The following ALPK2 variants were observed in gnomAD, a reference collection of about 807,000 sequenced individuals.
ALPK2 encodes alpha kinase 2.
A neutral mutation model predicts 163.1 loss-of-function variants in ALPK2; 127 were observed. The observed-to-expected ratio is 0.78, with a 90% confidence interval of 0.67 to 0.90. ALPK2 has a LOEUF of 0.90. ALPK2 is among the 40% of genes least tolerant of loss of function. ALPK2 has a pLI of 0.00. For synonymous variants in ALPK2, 953 were observed against 959.1 expected (o/e 0.99, Z 0.12); for missense variants, 2,360 against 2,589.6 (o/e 0.91, Z 1.92).
intron 1 of ALPK2, among the ~76,000 whole-genome samples, chr18:58,616,246 C>A (rs2052167484): frequency 6.6e-6 from 1 of 152,162 alleles, no homozygotes; most frequent in African/African-American, 2.4e-5. Flanking sequence ...TCCACAGTTC[C>A]TGGCTCCTAA....
intron 4 of ALPK2, among the ~76,000 whole-genome samples, chr18:58,553,626 A>T (rs2051770816): frequency 6.6e-6 from 1 of 152,040 alleles, no homozygotes. Flanking sequence ...TTCTCATGAT[A>T]GTGACTTCTC....
chr18:58,610,863 G>T (rs1277666818), intron 2 of ALPK2, among the ~76,000 whole-genome samples: 1 of 152,112 alleles, frequency 6.6e-6, no homozygotes, highest in Non-Finnish European at 1.5e-5. Context: ...GGGAGGCCGA[G>T]GCAGGCAGAC....
chr18:58,572,601 A>G (rs762565688), intron 4 of ALPK2, among the ~76,000 whole-genome samples: 1 of 151,608 alleles, frequency 6.6e-6, no homozygotes, highest in Non-Finnish European at 1.5e-5. Context: ...AATTCTGCTG[A>G]AAAAAAAACT....
At chr18:58,499,522 A>G (rs1271648520) in intron 11 of ALPK2, among the ~76,000 whole-genome samples, 1 of 152,170 alleles carries the variant, frequency 6.6e-6, no homozygotes, top group Non-Finnish European at 1.5e-5. Context: ...CCTTTCCAGA[A>G]TCTGCATGCC....
At chr18:58,534,584 C>T (rs536259299) in intron 5 of ALPK2, among the ~76,000 whole-genome samples, 3 of 152,176 alleles carry the variant, frequency 2.0e-5, no homozygotes, top group Admixed American at 1.3e-4. Context: ...GTGGTTCTCC[C>T]GATAGATCAC....
intron 4 of ALPK2, among the ~76,000 whole-genome samples, chr18:58,562,358 CT>C (rs763938121): frequency 3.5e-4 from 53 of 152,314 alleles, no homozygotes; most frequent in South Asian, 8.3e-4. Flanking sequence ...CATTTTCAGT[CT>C]TTTTAACTAT....
intron 4 of ALPK2, among the ~76,000 whole-genome samples, chr18:58,574,973 G>A (rs2144192834): frequency 6.6e-6 from 1 of 152,256 alleles, no homozygotes; most frequent in African/African-American, 2.4e-5. Flanking sequence ...CAGCACTTTG[G>A]GAGGCCGAGG....
At chr18:58,576,706 A>T (rs1727145229) in intron 4 of ALPK2, among the ~76,000 whole-genome samples, 1 of 152,194 alleles carries the variant, frequency 6.6e-6, no homozygotes, top group Non-Finnish European at 1.5e-5. Flanking sequence ...TGCGTGGGTA[A>T]AAGAATCTCA....
intron 4 of ALPK2, among the ~76,000 whole-genome samples, chr18:58,567,994 C>T (rs1299682052): frequency 6.6e-6 from 1 of 152,182 alleles, no homozygotes; most frequent in Non-Finnish European, 1.5e-5. Flanking sequence ...AGCATCTCCA[C>T]TCTGTTGTGT....
At chr18:58,531,648 G>GAAAAAAAAAAAA (rs34960653) in intron 5 of ALPK2, among the ~76,000 whole-genome samples, 1 of 103,598 alleles carries the variant, frequency 9.7e-6, no homozygotes, top group Non-Finnish European at 1.9e-5. Flanking sequence ...GTGATAAGTT[G>GAAAAAAAAAAAA]AAAAAAAAAA....
rs201937678 is a variant in ALPK2 at position 58,586,820 on chromosome 18, T to C, written c.228-6272A>G. Among the ~76,000 whole-genome samples, 7 of 151,616 alleles carry C rather than the reference T, an allele frequency of 4.6e-5. No individual in the cohort carries two copies. In the East Asian group the frequency reaches 1.4e-3, roughly 29 times the overall value. Reference sequence around the variant, plus strand: ...GGCTGCTTGAGGCAGTAGATTACAATTGGGTTAAACAATAGGGTAACCAAA... The same window carrying C: ...GGCTGCTTGAGGCAGTAGATTACAACTGGGTTAAACAATAGGGTAACCAAA... On this transcript the variant is annotated intron_variant, in intron 3 of 12. Transcript: ENST00000361673.
intron 9 of ALPK2, among the ~76,000 whole-genome samples, chr18:58,515,408 G>A (rs2051516249): frequency 6.6e-6 from 1 of 152,230 alleles, no homozygotes; most frequent in Non-Finnish European, 1.5e-5. Context: ...TCATCAGGTG[G>A]CACTTGGGGC....
At chr18:58,589,837 T>C (rs552688331) in intron 3 of ALPK2, among the ~76,000 whole-genome samples, 1 of 152,292 alleles carries the variant, frequency 6.6e-6, no homozygotes, top group Non-Finnish European at 1.5e-5. Flanking sequence ...AATATTAAAA[T>C]TGCTGAAACT....
At chr18:58,628,119 T>A (rs980796468) in intron 1 of ALPK2, among the ~76,000 whole-genome samples, 1 of 152,220 alleles carries the variant, frequency 6.6e-6, no homozygotes, top group Non-Finnish European at 1.5e-5. Context: ...TGGCATTTAA[T>A]TGATGGATTT....
chr18:58,521,644 T>TTTTTTTTTTTTTA (rs2051553898), intron 8 of ALPK2, among the ~76,000 whole-genome samples: 1 of 139,626 alleles, frequency 7.2e-6, no homozygotes, highest in Non-Finnish European at 1.6e-5. Flanking sequence ...TTTTTTTTTT[T>TTTTTTTTTTTTTA]TTGAGATGGA....
intron 2 of ALPK2, among the ~76,000 whole-genome samples, chr18:58,608,966 AAAAAGAAAAG>A (rs541331945): frequency 1.3e-5 from 2 of 151,632 alleles, no homozygotes; most frequent in South Asian, 2.1e-4. Flanking sequence ...TCAAAAAAAA[AAAAAGAAAAG>A]AAAAGAAAAG....
At chr18:58,612,239 T>C (rs2052136593) in intron 1 of ALPK2, among the ~76,000 whole-genome samples, 1 of 152,208 alleles carries the variant, frequency 6.6e-6, no homozygotes, top group Non-Finnish European at 1.5e-5. Flanking sequence ...CTATGGTTAG[T>C]GCCACCTCCT....
chr18:58,548,089 C>T (rs920454732), intron 4 of ALPK2, among the ~76,000 whole-genome samples: 1 of 152,210 alleles, frequency 6.6e-6, no homozygotes. Flanking sequence ...ACGATTACTA[C>T]ACTAGTACTT....
chr18:58,612,385 A>G (rs368286716), intron 1 of ALPK2, among the ~76,000 whole-genome samples: 1 of 152,234 alleles, frequency 6.6e-6, no homozygotes, highest in Non-Finnish European at 1.5e-5. Flanking sequence ...AAATTAGGAT[A>G]TGACTGCTCC....
Sources: allele counts gnomAD v4.1 joint callset (sites outside exome capture counted in the v4.1 genomes callset), GRCh38; gene constraint gnomAD v4.1.1; transcripts MANE v1.5; gene names NCBI Gene and HGNC (gene_info 2026-07-23, HGNC 2026-07-21).